LIMA1: variants seen among roughly 807,000 people sequenced by gnomAD.
The protein encoded by LIMA1 is LIM domain and actin binding 1, also known as LIM domain and actin-binding protein 1.
Under a neutral mutation model 62.6 loss-of-function variants are expected in LIMA1, and 52 were observed. The ratio of observed to expected loss-of-function variants is 0.83; its 90% CI spans 0.67 to 1.05. The LOEUF is 1.05. Among genes scored for constraint, LIMA1 ranks in the 50% least tolerant of loss-of-function variants. The pLI is 0.00. For synonymous variants in LIMA1, 302 were observed against 317.8 expected (o/e 0.95, Z 0.53); for missense variants, 780 against 902.2 (o/e 0.86, Z 1.74).
At chr12:50,205,192 CTCAGTT>C (rs1941128612) in intron 5 of LIMA1, among the ~76,000 whole-genome samples, 1 of 151,736 alleles carries the variant, frequency 6.6e-6, no homozygotes, top group African/African-American at 2.4e-5. Flanking sequence ...ATCCAACCAC[CTCAGTT>C]TCCCAAGTAG....
intron 4 of LIMA1, 125 bp from the exon 5 acceptor site, chr12:50,206,193 A>AT (rs1159648704): frequency 8.6e-6 from 6 of 695,902 alleles, no homozygotes; most frequent in Admixed American, 3.0e-5. Context: ...ATTCTATAGA[A>AT]TTTTTTTTAA....
chr12:50,222,729 A>G, intron 3 of LIMA1: 1 of 1,376,898 alleles, frequency 7.3e-7, no homozygotes. Flanking sequence ...ATGGCCTTAT[A>G]AGGACAAAAT....
At chr12:50,274,420 C>T (rs1207443601) in intron 1 of LIMA1, among the ~76,000 whole-genome samples, 1 of 152,028 alleles carries the variant, frequency 6.6e-6, no homozygotes, top group Non-Finnish European at 1.5e-5. Context: ...CCTGTCGCTA[C>T]CAAAAATAAA....
At chr12:50,279,273 G>A (rs900163607) in intron 1 of LIMA1, among the ~76,000 whole-genome samples, 11 of 150,524 alleles carry the variant, frequency 7.3e-5, no homozygotes, top group Admixed American at 6.6e-4. Context: ...CCAAAGTGCT[G>A]GGATTACAGG....
At chr12:50,191,156 C>T (rs1940759882) in intron 9 of LIMA1, among the ~76,000 whole-genome samples, 1 of 149,070 alleles carries the variant, frequency 6.7e-6, no homozygotes, top group African/African-American at 2.5e-5. Context: ...AGATCAAGCT[C>T]TGCAGATTAG....
chr12:50,195,412 G>A (rs747335190), intron 8 of LIMA1, among the ~76,000 whole-genome samples: 1 of 151,946 alleles, frequency 6.6e-6, no homozygotes, highest in Non-Finnish European at 1.5e-5. Context: ...TAGATAAACA[G>A]GGAAAAAATA....
intron 4 of LIMA1, chr12:50,217,693 C>T: frequency 4.0e-6 from 1 of 251,142 alleles, no homozygotes; most frequent in Non-Finnish European, 8.0e-6. Context: ...GGGCAGCACC[C>T]GCAGGTCTAC....
At chr12:50,235,249 A>C (rs1004888196) in intron 2 of LIMA1, among the ~76,000 whole-genome samples, 2 of 150,172 alleles carry the variant, frequency 1.3e-5, no homozygotes, top group African/African-American at 2.5e-5. Flanking sequence ...AGAGTATTAC[A>C]TAAAGGGTCT....
chr12:50,258,369 G>A (rs1479071430), intron 1 of LIMA1, among the ~76,000 whole-genome samples: 1 of 152,090 alleles, frequency 6.6e-6, no homozygotes, highest in African/African-American at 2.4e-5. Flanking sequence ...TGCAATCACA[G>A]CTCACTGCAG....
rs78198785 is a variant in LIMA1, at chr12:50,218,922, A to C, written c.630+3099T>G. 2.3e-3 allele frequency among the ~76,000 whole-genome samples: 354 copies of C among 152,100 alleles called. 5 individuals carry two copies. Among genetic ancestry groups the C allele is most frequent in the African/African-American group, 7.6e-3 (317 of 41,476 alleles). On this transcript the variant is annotated intron_variant, in intron 4 of 10. Transcript: ENST00000341247. ...AAAAAAAAAAAAACAAAAACAAAAA[A>C]AAAACGCATTTCAAACAATAACAGC...
Position 50,269,918 on chromosome 12 carries a change from CAAATA to C in LIMA1, c.-24+13497_-24+13501del, listed in dbSNP as rs1262902701. Among the ~76,000 whole-genome samples, 567 of 88,094 alleles carry C rather than the reference CAAATA, an allele frequency of 6.4e-3. 5 individuals carry two copies. The highest frequency in any genetic ancestry group is 0.026 in the African/African-American group (553 of 21,352). 57.8% of individuals were successfully genotyped at this position (88,094 alleles called of 152,430 possible). On this transcript the variant is annotated intron_variant, in intron 1 of 10. Transcript: ENST00000341247. ...CTGGGCAACAAGAGCAAAACTCCGT[CAAATA>C]AAAAAAAAAAAAAAAAAAAAATTTA...
intron 4 of LIMA1, among the ~76,000 whole-genome samples, chr12:50,208,512 T>A (rs34825838): frequency 0.32 from 48,660 of 151,298 alleles, 8,067 homozygotes; most frequent in South Asian, 0.48. Context: ...TAGCTGGGCA[T>A]TATGGCATGC....
chr12:50,246,896 A>C (rs1941857410), intron 2 of LIMA1, among the ~76,000 whole-genome samples: 1 of 152,224 alleles, frequency 6.6e-6, no homozygotes, highest in Non-Finnish European at 1.5e-5. Flanking sequence ...CCTGAAGGTA[A>C]AAATTACCTG....
In LIMA1 at chr12:50,177,085, A is replaced by C; in HGVS notation, c.2259T>G (p.Asp753Glu). 1 of 1,582,066 alleles carries C rather than the reference A, an allele frequency of 6.3e-7. No homozygotes were observed. Among genetic ancestry groups the C allele is most frequent in the Non-Finnish European group, 8.6e-7 (1 of 1,164,932 alleles). Residue 753 changes from aspartate to glutamate, a missense_variant, in exon 11 of 11, where the codon GAT (aspartate) becomes GAG (glutamate). Asp to Glu is a conservative substitution (Grantham distance 45). Transcript: ENST00000341247. ...EEQIKRNRYY[D>E]EDEDEE ...TTTGTCACTCTTCATCCTCATCCTCATCATAATACCGATTTCTCTTTATCT... is the reference window on the plus strand; with the variant it reads ...TTTGTCACTCTTCATCCTCATCCTCCTCATAATACCGATTTCTCTTTATCT...
intron 3 of LIMA1, among the ~76,000 whole-genome samples, chr12:50,223,846 C>T (rs1046555653): frequency 1.3e-5 from 2 of 151,980 alleles, no homozygotes; most frequent in African/African-American, 4.8e-5. Context: ...GTGGCCAGCC[C>T]GGCCAACACC....
chr12:50,262,720 G>A lies in LIMA1; in HGVS notation c.-23-13946C>T, dbSNP rs1200365355. Among the ~76,000 whole-genome samples, 4 of 151,834 alleles carry A rather than the reference G, an allele frequency of 2.6e-5. No homozygotes were observed. The East Asian group carries it at 7.7e-4, about 29-fold the overall frequency. On this transcript the variant is annotated intron_variant, in intron 1 of 10. Coordinates refer to ENST00000341247, the MANE Select transcript of LIMA1 (RefSeq NM_016357.5). ...TGCCTGTGATCCTTGCTACTTGGCTGAAACAGGAGGATCACTTGAGCCCAG... is the reference window on the plus strand; with the variant it reads ...TGCCTGTGATCCTTGCTACTTGGCTAAAACAGGAGGATCACTTGAGCCCAG...
At position 50,177,357 on chromosome 12, in the gene LIMA1, C is replaced by G; in HGVS notation, c.1987G>C (p.Gly663Arg). The G allele has an allele frequency of 6.2e-7, 1 of 1,614,220 alleles. No individual in the cohort carries two copies. The highest frequency in any genetic ancestry group is 8.5e-7 in the Non-Finnish European group (1 of 1,180,044). The stretch of plus-strand genomic sequence containing the variant: ...CTATGACCTTCCTTACTTCTCTTCC[C>G]TGTCTCTCCTTTAGATTCTTTGTTT... ...WQNKESKGET[G>R]KRSKEGHSLE... The change falls in exon 11 of 11, where the codon GGG (glycine) becomes CGG (arginine). Residue 663 changes from glycine (G) to arginine (R), a missense_variant. Coordinates refer to ENST00000341247, the MANE Select transcript of LIMA1 (RefSeq NM_016357.5).
chr12:50,233,374 T>C (rs1037899968), intron 2 of LIMA1, among the ~76,000 whole-genome samples: 5 of 152,234 alleles, frequency 3.3e-5, no homozygotes, highest in Admixed American at 3.3e-4. Context: ...TTCCAACATA[T>C]ACATTTCCCC....
chr12:50,191,648 C>A (rs533415156), intron 9 of LIMA1, among the ~76,000 whole-genome samples: 17 of 147,526 alleles, frequency 1.2e-4, no homozygotes, highest in African/African-American at 3.3e-4. Context: ...GGTGAAACCC[C>A]GTCTCTACTA....
Sources: allele counts gnomAD v4.1 joint callset (sites outside exome capture counted in the v4.1 genomes callset), GRCh38; gene constraint gnomAD v4.1.1; transcripts MANE v1.5; gene names NCBI Gene and HGNC (gene_info 2026-07-23, HGNC 2026-07-21).